The following FNDC3B variants were observed in gnomAD, a reference collection of about 807,000 sequenced individuals.
The protein encoded by FNDC3B is fibronectin type III domain containing 3B, also known as fibronectin type III domain-containing protein 3B.
FNDC3B carries 12 observed loss-of-function variants against 151.5 expected under a neutral mutation model. That is an observed-to-expected ratio of 0.08 (90% CI 0.05 to 0.13). The LOEUF (loss-of-function observed/expected upper bound fraction) is 0.13, where lower values mean the gene tolerates loss of function less well. FNDC3B is among the 10% of genes least tolerant of loss of function. The pLI is 1.00. For missense variants in FNDC3B, 1,214 were observed against 1,505.3 expected (o/e 0.81, Z 3.20); for synonymous variants, 528 against 549.0 (o/e 0.96, Z 0.54).
chr3:172,268,840 T>C (rs1729047338), intron 6 of FNDC3B, among the ~76,000 whole-genome samples: 1 of 152,332 alleles, frequency 6.6e-6, no homozygotes, highest in South Asian at 2.1e-4. Context: ...GATTTTTCCA[T>C]ACAAATATCA....
At chr3:172,138,718 G>T (rs1175175520) in intron 3 of FNDC3B, among the ~76,000 whole-genome samples, 2 of 152,176 alleles carry the variant, frequency 1.3e-5, no homozygotes, top group Non-Finnish European at 2.9e-5. Flanking sequence ...ATACTTAATT[G>T]CTAATAGTTT....
intron 1 of FNDC3B, among the ~76,000 whole-genome samples, chr3:172,094,293 T>C (rs1718989691): frequency 1.3e-5 from 2 of 152,230 alleles, no homozygotes; most frequent in South Asian, 2.1e-4. Flanking sequence ...AGAAACCTCA[T>C]AGCCGTTGGC....
intron 1 of FNDC3B, among the ~76,000 whole-genome samples, chr3:172,063,459 C>T (rs1167574469): frequency 6.6e-6 from 1 of 152,224 alleles, no homozygotes; most frequent in Non-Finnish European, 1.5e-5. Context: ...TCTTCCCCTT[C>T]TAGCCCCAAA....
rs183591745 is a variant in FNDC3B, at chr3:172,328,081, A to G, written c.1255-871A>G. Among the ~76,000 whole-genome samples the G allele has an allele frequency of 7.9e-5, 12 of 152,360 alleles. No homozygotes were observed. In the East Asian group the frequency reaches 2.3e-3, roughly 29 times the overall value. On this transcript the variant is annotated intron_variant, in intron 11 of 25. Transcript: ENST00000415807. ...CCTGTGAGTGTGGCATAGGGCGGTT[A>G]GACTTTTTCCTTACTTGTTGAACCT...
chr3:172,041,068 C>T (rs1332490270), intron 1 of FNDC3B, among the ~76,000 whole-genome samples: 1 of 152,212 alleles, frequency 6.6e-6, no homozygotes, highest in African/African-American at 2.4e-5. Flanking sequence ...TCTCCTCAAC[C>T]CAGCATTTTA....
intron 5 of FNDC3B, among the ~76,000 whole-genome samples, chr3:172,250,059 A>G (rs1011287936): frequency 6.6e-6 from 1 of 152,120 alleles, no homozygotes; most frequent in African/African-American, 2.4e-5. Context: ...CTTTTTTCTT[A>G]TAAAGATGTA....
intron 11 of FNDC3B, among the ~76,000 whole-genome samples, chr3:172,318,814 A>T (rs149222438): frequency 1.2e-3 from 190 of 152,352 alleles, no homozygotes; most frequent in African/African-American, 4.4e-3. Flanking sequence ...GGCTCTGTCC[A>T]TCAGAGACCA....
intron 3 of FNDC3B, among the ~76,000 whole-genome samples, chr3:172,209,937 G>A (rs1725645270): frequency 6.6e-6 from 1 of 152,262 alleles, no homozygotes; most frequent in Admixed American, 6.5e-5. Flanking sequence ...GCTGCCCTGA[G>A]CACACACACA....
intron 24 of FNDC3B, among the ~76,000 whole-genome samples, chr3:172,380,042 A>G (rs1405484906): frequency 6.6e-6 from 1 of 150,890 alleles, no homozygotes; most frequent in East Asian, 1.9e-4. Context: ...ATTTTGGCCT[A>G]GTATTTCCAG....
intron 3 of FNDC3B, among the ~76,000 whole-genome samples, chr3:172,142,159 C>T (rs560257734): frequency 2.0e-5 from 3 of 152,242 alleles, no homozygotes; most frequent in Admixed American, 1.3e-4. Context: ...ATAGTAGGGG[C>T]CCAATAAATA....
chr3:172,338,275 C>T (rs1401667283), intron 16 of FNDC3B: 2 of 139,668 alleles, frequency 1.4e-5, no homozygotes, highest in African/African-American at 5.4e-5. Flanking sequence ...GATTGCACCA[C>T]TGCACTCCAG....
intron 6 of FNDC3B, among the ~76,000 whole-genome samples, chr3:172,260,724 C>A (rs1349007057): frequency 2.0e-5 from 3 of 152,010 alleles, no homozygotes; most frequent in Non-Finnish European, 2.9e-5. Context: ...GCATCCACTC[C>A]CCAAAAAAGG....
At chr3:172,349,665 CT>C (rs561316990) in intron 21 of FNDC3B, among the ~76,000 whole-genome samples, 3 of 150,882 alleles carry the variant, frequency 2.0e-5, no homozygotes, top group Non-Finnish European at 4.4e-5. Context: ...TCTTTTTTTT[CT>C]TTTTTTTGAG....
intron 11 of FNDC3B, among the ~76,000 whole-genome samples, chr3:172,314,368 A>G (rs1485889594): frequency 6.6e-6 from 1 of 152,222 alleles, no homozygotes; most frequent in Non-Finnish European, 1.5e-5. Context: ...TGAGAGTGAG[A>G]CAGTGCTGCT....
chr3:172,136,340 C>T (rs1721364286), intron 3 of FNDC3B, among the ~76,000 whole-genome samples: 1 of 152,144 alleles, frequency 6.6e-6, no homozygotes, highest in Non-Finnish European at 1.5e-5. Context: ...GAAGTGAGAT[C>T]TACTGGTTGA....
At chr3:172,080,296 A>G (rs1480240681) in intron 1 of FNDC3B, among the ~76,000 whole-genome samples, 1 of 151,948 alleles carries the variant, frequency 6.6e-6, no homozygotes. Flanking sequence ...TAAGAGACAG[A>G]GTCTTGCTTT....
chr3:172,093,703 A>G (rs973491776), intron 1 of FNDC3B, among the ~76,000 whole-genome samples: 1 of 152,160 alleles, frequency 6.6e-6, no homozygotes, highest in African/African-American at 2.4e-5. Flanking sequence ...CTGGAAGGAA[A>G]TACACTGGTA....
chr3:172,316,372 A>T, intron 11 of FNDC3B: 1 of 447,594 alleles, frequency 2.2e-6, no homozygotes, highest in Non-Finnish European at 4.5e-6. Flanking sequence ...GCTATGGGAG[A>T]AGGATTGAGG....
chr3:172,273,445 G>A (rs570755826), intron 6 of FNDC3B, among the ~76,000 whole-genome samples: 35 of 152,152 alleles, frequency 2.3e-4, no homozygotes, highest in African/African-American at 8.2e-4. Context: ...TATATTCCCC[G>A]CACCCATGAC....
Sources: gnomAD v4.1 joint callset for allele counts (sites outside exome capture counted in the v4.1 genomes callset) on GRCh38, gnomAD v4.1.1 for gene constraint, MANE v1.5 for transcripts, NCBI Gene and HGNC (gene_info 2026-07-23, HGNC 2026-07-21) for gene names.